Variants in CSMD3 observed in about 807,000 individuals in gnomAD.
CSMD3 encodes the protein CUB and Sushi multiple domains 3.
CSMD3 carries 177 observed loss-of-function variants against 435.2 expected under a neutral mutation model. That is an observed-to-expected ratio of 0.41 (90% CI 0.36 to 0.46). The LOEUF (loss-of-function observed/expected upper bound fraction) is 0.46. Among genes scored for constraint, CSMD3 ranks in the 20% least tolerant of loss-of-function variants. CSMD3 has a pLI of 0.34. For missense variants in CSMD3, 4,265 were observed against 4,504.6 expected, an observed-to-expected ratio of 0.95 and a Z score of 1.52; for synonymous variants, 1,656 against 1,520.5, an observed-to-expected ratio of 1.09 and a Z score of -2.07.
chr8:112,449,552 G>GC (rs915155196), intron 32 of CSMD3, among the ~76,000 whole-genome samples: 1 of 152,092 alleles, frequency 6.6e-6, no homozygotes, highest in African/African-American at 2.4e-5. Flanking sequence ...ATCACCTGAC[G>GC]CCTGTGCCCT....
At chr8:113,006,204 C>T (rs532800277) in intron 6 of CSMD3, among the ~76,000 whole-genome samples, 16 of 152,170 alleles carry the variant, frequency 1.1e-4, no homozygotes, top group Non-Finnish European at 2.1e-4. Context: ...TTTGTGCATA[C>T]GTCCTGGATT....
chr8:112,562,488 C>T (rs1005250860), intron 24 of CSMD3, among the ~76,000 whole-genome samples: 3 of 150,694 alleles, frequency 2.0e-5, no homozygotes, highest in African/African-American at 7.3e-5. Context: ...TAAAAACTTC[C>T]AGATTGCTAA....
At chr8:113,193,159 A>G (rs993498463) in intron 3 of CSMD3, among the ~76,000 whole-genome samples, 1 of 151,158 alleles carries the variant, frequency 6.6e-6, no homozygotes, top group African/African-American at 2.4e-5. Flanking sequence ...TTTTGCATGG[A>G]AACACTCACT....
chr8:112,623,700 A>T (rs946538576), intron 22 of CSMD3, among the ~76,000 whole-genome samples: 5 of 134,518 alleles, frequency 3.7e-5, no homozygotes, highest in Non-Finnish European at 6.1e-5. Flanking sequence ...TTGCTACTCA[A>T]CTCAGTGCTA....
chr8:112,751,188 T>C (rs1372666994), intron 13 of CSMD3, among the ~76,000 whole-genome samples: 1 of 152,180 alleles, frequency 6.6e-6, no homozygotes, highest in Non-Finnish European at 1.5e-5. Context: ...ATTAAACCTC[T>C]TTCCTTTATA....
chr8:112,631,529 G>A (rs568839413), intron 22 of CSMD3, among the ~76,000 whole-genome samples: 32 of 152,070 alleles, frequency 2.1e-4, no homozygotes, highest in South Asian at 1.9e-3. Flanking sequence ...TTTGTTTCTC[G>A]TACATTTCTT....
intron 32 of CSMD3, among the ~76,000 whole-genome samples, chr8:112,449,137 G>A (rs1815976703): frequency 6.6e-6 from 1 of 152,158 alleles, no homozygotes; most frequent in Non-Finnish European, 1.5e-5. Context: ...CAAGCCAGCA[G>A]TAACCTGAAT....
At chr8:113,162,157 T>G (rs1432483374) in intron 4 of CSMD3, among the ~76,000 whole-genome samples, 3 of 152,016 alleles carry the variant, frequency 2.0e-5, no homozygotes, top group African/African-American at 7.3e-5. Context: ...ATTGGGTGGT[T>G]GGTGGGATTT....
intron 4 of CSMD3, among the ~76,000 whole-genome samples, chr8:113,142,279 T>G (rs1460320910): frequency 6.6e-6 from 1 of 151,176 alleles, no homozygotes; most frequent in Non-Finnish European, 1.5e-5. Context: ...AATCTAAAAT[T>G]TATATGAAAA....
chr8:112,875,622 C>A (rs1386806523), intron 10 of CSMD3, among the ~76,000 whole-genome samples: 1 of 152,070 alleles, frequency 6.6e-6, no homozygotes, highest in East Asian at 1.9e-4. Context: ...CATTCCTTTT[C>A]ATTCTTTTTT....
chr8:112,275,526 A>G (rs1817962442), intron 59 of CSMD3, among the ~76,000 whole-genome samples: 1 of 152,142 alleles, frequency 6.6e-6, no homozygotes, highest in African/African-American at 2.4e-5. Flanking sequence ...CAGCCTGGGC[A>G]ACAAGAGCGA....
chr8:113,044,440 T>C (rs985519423), intron 5 of CSMD3, among the ~76,000 whole-genome samples: 4 of 149,080 alleles, frequency 2.7e-5, no homozygotes, highest in Admixed American at 2.7e-4. Flanking sequence ...TTTTTTCTGA[T>C]TTTGACCCTA....
chr8:113,157,444 C>CT (rs1564375304), intron 4 of CSMD3, among the ~76,000 whole-genome samples: 1 of 133,106 alleles, frequency 7.5e-6, no homozygotes, highest in Non-Finnish European at 1.8e-5. Context: ...TCTCCTTTTT[C>CT]TTTTTTCTTT....
intron 3 of CSMD3, among the ~76,000 whole-genome samples, chr8:113,211,368 C>A (rs765530569): frequency 1.3e-5 from 2 of 152,098 alleles, no homozygotes; most frequent in Non-Finnish European, 2.9e-5. Context: ...CTGAAGGTCA[C>A]TAAATAATTT....
In CSMD3 at chr8:113,065,003, A is replaced by G. The variant is rs377678905; in HGVS notation, c.917+33753T>C. ...GATACTTTTAATAAGTATGCATGGA[A>G]CAATTAAATTATGTGGTGTTCTGTT... On this transcript the variant is annotated intron_variant, in intron 5 of 70. Coordinates refer to ENST00000297405, the MANE Select transcript of CSMD3 (RefSeq NM_198123.2). 2.6e-4 allele frequency among the ~76,000 whole-genome samples: 39 copies of G among 152,320 alleles called. 1 individual carries two copies. In the South Asian group the frequency reaches 7.9e-3, roughly 31 times the overall value.
intron 3 of CSMD3, among the ~76,000 whole-genome samples, chr8:113,277,022 A>G (rs987687614): frequency 6.6e-6 from 1 of 152,056 alleles, no homozygotes; most frequent in African/African-American, 2.4e-5. Context: ...TGCCAACCTC[A>G]TAATTCACAA....
chr8:112,993,923 G>A (rs1019093449), intron 6 of CSMD3, among the ~76,000 whole-genome samples: 1 of 151,744 alleles, frequency 6.6e-6, no homozygotes, highest in Non-Finnish European at 1.5e-5. Flanking sequence ...ACAGTCAGCT[G>A]TATCAATTAA....
At chr8:112,541,002 A>G (rs1189872187) in intron 27 of CSMD3, among the ~76,000 whole-genome samples, 1 of 152,076 alleles carries the variant, frequency 6.6e-6, no homozygotes, top group Admixed American at 6.6e-5. Flanking sequence ...TACATATTGT[A>G]TGCGTGTATC....
intron 3 of CSMD3, among the ~76,000 whole-genome samples, chr8:113,184,373 C>T (rs1201899043): frequency 6.6e-6 from 1 of 151,932 alleles, no homozygotes; most frequent in African/African-American, 2.4e-5. Context: ...CCTCTCCCCT[C>T]CTTGAAGGCC....
Sources: gnomAD v4.1 joint callset for allele counts (sites outside exome capture counted in the v4.1 genomes callset) on GRCh38, gnomAD v4.1.1 for gene constraint, MANE v1.5 for transcripts, NCBI Gene and HGNC (gene_info 2026-07-23, HGNC 2026-07-21) for gene names.